SUGCT: variants seen among roughly 807,000 people sequenced by gnomAD.
SUGCT encodes succinyl-CoA:glutarate-CoA transferase.
A neutral mutation model predicts 55.0 loss-of-function variants in SUGCT; 41 were observed. The observed-to-expected ratio is 0.74, with a 90% CI of 0.58 to 0.97. The LOEUF is 0.97. Ranked by LOEUF, SUGCT falls within the 50% of genes least tolerant of loss-of-function variation. SUGCT has a pLI of 0.00. For missense variants in SUGCT, 568 were observed against 547.8 expected (o/e 1.04, Z -0.37); for synonymous variants, 187 against 200.4 (o/e 0.93, Z 0.56).
At chr7:40,275,858 C>G (rs763718612) in intron 8 of SUGCT, among the ~76,000 whole-genome samples, 1 of 152,136 alleles carries the variant, frequency 6.6e-6, no homozygotes, top group Non-Finnish European at 1.5e-5. Context: ...TTCACTGGAT[C>G]AGACCCAGAT....
At chr7:41,012,324 A>G in the SUGCT span, among the ~76,000 whole-genome samples, 84 of 152,304 alleles carry the variant, frequency 5.5e-4, no homozygotes, top group East Asian at 0.016. Context: ...AACCTCTGTG[A>G]AGAGCCGTGA....
intron 13 of SUGCT, among the ~76,000 whole-genome samples, chr7:40,750,491 C>A (rs1787955532): frequency 6.6e-6 from 1 of 152,276 alleles, no homozygotes; most frequent in Admixed American, 6.5e-5. Context: ...TCAGTCACCT[C>A]AGTCAGGTGG....
intron 11 of SUGCT, among the ~76,000 whole-genome samples, chr7:40,478,404 C>T (rs758569347): frequency 1.3e-5 from 2 of 151,974 alleles, no homozygotes; most frequent in South Asian, 2.1e-4. Context: ...GAAACTTGCG[C>T]GAGGTAGGAA....
chr7:40,877,341 TC>T, the SUGCT span, among the ~76,000 whole-genome samples: 1 of 152,196 alleles, frequency 6.6e-6, no homozygotes, highest in Admixed American at 6.5e-5. Context: ...TTGGATATTT[TC>T]CCCCAAAATC....
intron 9 of SUGCT, among the ~76,000 whole-genome samples, chr7:40,419,725 G>A (rs762570238): frequency 6.6e-6 from 1 of 152,178 alleles, no homozygotes; most frequent in Non-Finnish European, 1.5e-5. Context: ...AGATAGTGGG[G>A]GAAAACCTGG....
intron 11 of SUGCT, among the ~76,000 whole-genome samples, chr7:40,467,208 A>G (rs1221166015): frequency 2.0e-5 from 3 of 148,908 alleles, no homozygotes; most frequent in Non-Finnish European, 4.4e-5. Context: ...GAAAAAGAAA[A>G]AAAAAAAAAA....
the SUGCT span, among the ~76,000 whole-genome samples, chr7:41,017,706 G>A: frequency 6.6e-6 from 1 of 150,452 alleles, no homozygotes; most frequent in African/African-American, 2.5e-5. Flanking sequence ...TGGAGACAGA[G>A]CTTGCAGTGA....
chr7:40,882,228 G>A, the SUGCT span, among the ~76,000 whole-genome samples: 1 of 152,192 alleles, frequency 6.6e-6, no homozygotes, highest in Non-Finnish European at 1.5e-5. Flanking sequence ...TAAAGTTGAA[G>A]TTCTTGAAGC....
chr7:40,187,447 AAAG>A (rs1002278141), intron 3 of SUGCT, among the ~76,000 whole-genome samples: 26 of 152,176 alleles, frequency 1.7e-4, no homozygotes, highest in African/African-American at 6.3e-4. Flanking sequence ...ATAAAAAAAA[AAAG>A]AATTGTGTGG....
At chr7:40,490,130 C>T (rs1791601067) in intron 11 of SUGCT, among the ~76,000 whole-genome samples, 1 of 152,226 alleles carries the variant, frequency 6.6e-6, no homozygotes, top group African/African-American at 2.4e-5. Flanking sequence ...TGGAATCAAT[C>T]TGAGGAAGAC....
At chr7:40,526,865 C>G (rs781461951) in intron 12 of SUGCT, among the ~76,000 whole-genome samples, 2 of 152,106 alleles carry the variant, frequency 1.3e-5, no homozygotes, top group Non-Finnish European at 2.9e-5. Context: ...GTTGGTTTTT[C>G]CAAGGTGGTT....
At chr7:40,646,619 G>A (rs1263250214) in intron 12 of SUGCT, among the ~76,000 whole-genome samples, 1 of 151,966 alleles carries the variant, frequency 6.6e-6, no homozygotes, top group Admixed American at 6.6e-5. Context: ...TTCTTCTCCC[G>A]GGCCAGTCTT....
intron 12 of SUGCT, among the ~76,000 whole-genome samples, chr7:40,609,424 G>A (rs574478658): frequency 1.2e-4 from 18 of 151,790 alleles, no homozygotes; most frequent in African/African-American, 2.4e-4. Flanking sequence ...AAAATTAGCC[G>A]GGCGTGGTGG....
chr7:40,942,178 A>G, the SUGCT span, among the ~76,000 whole-genome samples: 1 of 152,266 alleles, frequency 6.6e-6, no homozygotes, highest in East Asian at 1.9e-4. Context: ...TGCTTTCAAG[A>G]GGTTCTATTC....
At chr7:40,280,985 C>T (rs1213912700) in intron 8 of SUGCT, among the ~76,000 whole-genome samples, 1 of 152,204 alleles carries the variant, frequency 6.6e-6, no homozygotes, top group African/African-American at 2.4e-5. Context: ...TCCGTGGGCC[C>T]TGGGAACTTT....
chr7:40,199,033 CTGTG>C (rs149582932), intron 6 of SUGCT, among the ~76,000 whole-genome samples: 3 of 150,102 alleles, frequency 2.0e-5, no homozygotes, highest in Non-Finnish European at 4.4e-5. Flanking sequence ...ATCAGTGTGT[CTGTG>C]TGTGTGTGTT....
chr7:40,613,441 A>G (rs1798855815), intron 12 of SUGCT, among the ~76,000 whole-genome samples: 1 of 152,210 alleles, frequency 6.6e-6, no homozygotes, highest in Non-Finnish European at 1.5e-5. Context: ...TGTTTTCCCC[A>G]ACTGGGATAG....
At chr7:40,529,135 A>C (rs925613873) in intron 12 of SUGCT, among the ~76,000 whole-genome samples, 3 of 152,186 alleles carry the variant, frequency 2.0e-5, no homozygotes, top group African/African-American at 7.2e-5. Context: ...AATTTGGCAG[A>C]ACAGTGTTAC....
intron 1 of SUGCT, among the ~76,000 whole-genome samples, chr7:40,140,203 C>T (rs1405259017): frequency 6.6e-6 from 1 of 152,068 alleles, no homozygotes; most frequent in African/African-American, 2.4e-5. Context: ...CGTGTCTGGC[C>T]AAATTGATTT....
Sources: gnomAD v4.1 joint callset for allele counts (sites outside exome capture counted in the v4.1 genomes callset) on GRCh38, gnomAD v4.1.1 for gene constraint, MANE v1.5 for transcripts, NCBI Gene and HGNC (gene_info 2026-07-23, HGNC 2026-07-21) for gene names.